The following NXPH1 variants were observed in gnomAD, a reference collection of about 807,000 sequenced individuals.
NXPH1 encodes neurexophilin 1.
Under a neutral mutation model 23.7 loss-of-function variants are expected in NXPH1, and 5 were observed. That is an observed-to-expected ratio of 0.21 (90% CI 0.11 to 0.44). The LOEUF is 0.44. Ranked by LOEUF, NXPH1 falls within the 20% of genes least tolerant of loss-of-function variation. The probability of loss-of-function intolerance (pLI) is 0.99; values close to 1 mark genes in which losing one functional copy is unlikely to be tolerated. For missense variants in NXPH1, 324 were observed against 321.6 expected (o/e 1.01, Z -0.06); for synonymous variants, 144 against 122.2 (o/e 1.18, Z -1.18).
intron 2 of NXPH1, among the ~76,000 whole-genome samples, chr7:8,713,171 A>C (rs1779823243): frequency 2.0e-5 from 3 of 151,924 alleles, no homozygotes; most frequent in Admixed American, 2.0e-4. Context: ...TATATTTTCA[A>C]ATAGCCTATC....
intron 2 of NXPH1, among the ~76,000 whole-genome samples, chr7:8,552,473 C>T (rs17333262): frequency 0.3 from 45,044 of 151,116 alleles, 8,120 homozygotes; most frequent in East Asian, 0.54. Context: ...AATCAGATGT[C>T]AAGGTGAAAG....
intron 2 of NXPH1, among the ~76,000 whole-genome samples, chr7:8,484,968 GT>G (rs1338685343): frequency 6.6e-6 from 1 of 152,134 alleles, no homozygotes; most frequent in Non-Finnish European, 1.5e-5. Flanking sequence ...CACTGATATG[GT>G]TTGGCTCTGT....
chr7:8,572,678 C>A (rs1818671211), intron 2 of NXPH1, among the ~76,000 whole-genome samples: 1 of 151,888 alleles, frequency 6.6e-6, no homozygotes. Flanking sequence ...TTGCAGGTAG[C>A]ATCTAATACA....
chr7:8,592,899 A>G (rs1231568334), intron 2 of NXPH1, among the ~76,000 whole-genome samples: 1 of 151,792 alleles, frequency 6.6e-6, no homozygotes, highest in African/African-American at 2.4e-5. Context: ...GTCATACAAA[A>G]ACAGGCACTG....
chr7:8,505,337 G>C (rs764495267), intron 2 of NXPH1, among the ~76,000 whole-genome samples: 1 of 151,882 alleles, frequency 6.6e-6, no homozygotes, highest in Non-Finnish European at 1.5e-5. Flanking sequence ...ATCTTTGAAG[G>C]CTTGTCTTAA....
At chr7:8,695,272 G>T (rs1177960827) in intron 2 of NXPH1, among the ~76,000 whole-genome samples, 3 of 152,284 alleles carry the variant, frequency 2.0e-5, no homozygotes, top group African/African-American at 7.2e-5. Context: ...ACCTTCTTAA[G>T]AGTTAGGGTT....
At chr7:8,649,485 C>G (rs1820455057) in intron 2 of NXPH1, among the ~76,000 whole-genome samples, 1 of 152,124 alleles carries the variant, frequency 6.6e-6, no homozygotes, top group Non-Finnish European at 1.5e-5. Flanking sequence ...CACACACATC[C>G]AAAACCAAGA....
intron 2 of NXPH1, among the ~76,000 whole-genome samples, chr7:8,590,084 C>G (rs942342253): frequency 2.6e-5 from 4 of 152,004 alleles, no homozygotes; most frequent in Non-Finnish European, 5.9e-5. Context: ...GAACCTGAAG[C>G]CTTGACCCAT....
chr7:8,541,015 C>A (rs1818107769), intron 2 of NXPH1, among the ~76,000 whole-genome samples: 1 of 151,738 alleles, frequency 6.6e-6, no homozygotes, highest in South Asian at 2.1e-4. Context: ...CAAGGAAGAT[C>A]TACAATGTCT....
intron 2 of NXPH1, among the ~76,000 whole-genome samples, chr7:8,670,044 T>C (rs1157192293): frequency 1.3e-5 from 2 of 152,242 alleles, no homozygotes; most frequent in Admixed American, 1.3e-4. Context: ...TTTTCTATTA[T>C]AAACAAGTAT....
chr7:8,454,694 A>C (rs1171997941), intron 2 of NXPH1, among the ~76,000 whole-genome samples: 2 of 152,160 alleles, frequency 1.3e-5, no homozygotes, highest in Non-Finnish European at 2.9e-5. Context: ...GTGGCTCTAG[A>C]GGAACATTGG....
At chr7:8,465,601 A>G (rs1255714251) in intron 2 of NXPH1, among the ~76,000 whole-genome samples, 3 of 152,148 alleles carry the variant, frequency 2.0e-5, no homozygotes, top group African/African-American at 4.8e-5. Context: ...AGCAGGGGGC[A>G]TTTTCACGGT....
chr7:8,681,519 A>G (rs989132981), intron 2 of NXPH1, among the ~76,000 whole-genome samples: 11 of 152,188 alleles, frequency 7.2e-5, no homozygotes, highest in Admixed American at 6.5e-4. Context: ...CACTGCCCTG[A>G]CGTTTGCTGC....
intron 2 of NXPH1, among the ~76,000 whole-genome samples, chr7:8,740,332 C>A (rs973740816): frequency 3.9e-5 from 6 of 152,112 alleles, no homozygotes; most frequent in Non-Finnish European, 8.8e-5. Context: ...AGATAGCTTG[C>A]CATTGTTTGG....
rs1820138709 is a variant in NXPH1 at position 8,631,949 on chromosome 7, C to T, written c.55-119059C>T. On this transcript the variant is annotated intron_variant, in intron 2 of 2. Transcript: ENST00000405863. ...ATTACATTTTTGTAATAATAAATGT[C>T]CTCAGTTTTCTGGTCTGAAGGAGGA... 2.0e-5 allele frequency among the ~76,000 whole-genome samples: 3 copies of T among 152,002 alleles called. No homozygotes were observed. The South Asian group carries it at 6.3e-4, about 32-fold the overall frequency.
chr7:8,645,172 C>T (rs912891373), intron 2 of NXPH1, among the ~76,000 whole-genome samples: 14 of 152,186 alleles, frequency 9.2e-5, no homozygotes, highest in Admixed American at 3.9e-4. Flanking sequence ...AGAATTCTTA[C>T]GGTTTATACA....
At chr7:8,731,873 T>C (rs1374061272) in intron 2 of NXPH1, among the ~76,000 whole-genome samples, 1 of 152,228 alleles carries the variant, frequency 6.6e-6, no homozygotes, top group Non-Finnish European at 1.5e-5. Context: ...CTCCACCCAG[T>C]TCGAGCTTCC....
chr7:8,472,688 C>A (rs1816888450), intron 2 of NXPH1, among the ~76,000 whole-genome samples: 1 of 152,116 alleles, frequency 6.6e-6, no homozygotes, highest in Admixed American at 6.5e-5. Flanking sequence ...AATCCCAGGC[C>A]AAGTCAGGGA....
chr7:8,514,122 C>T (rs1428729132), intron 2 of NXPH1, among the ~76,000 whole-genome samples: 1 of 152,108 alleles, frequency 6.6e-6, no homozygotes, highest in African/African-American at 2.4e-5. Flanking sequence ...TCTGAAAAGA[C>T]TCTGTTTCCA....
Sources: allele counts gnomAD v4.1 joint callset (sites outside exome capture counted in the v4.1 genomes callset), GRCh38; gene constraint gnomAD v4.1.1; transcripts MANE v1.5; gene names NCBI Gene and HGNC (gene_info 2026-07-23, HGNC 2026-07-21).